Variants in ZNF385D observed in about 807,000 individuals in gnomAD.
The protein encoded by ZNF385D is zinc finger protein 385D.
A neutral mutation model predicts 35.8 loss-of-function variants in ZNF385D; 15 were observed. That is an observed-to-expected ratio of 0.42 (90% CI 0.28 to 0.64). ZNF385D has a LOEUF of 0.64. ZNF385D is among the 30% of genes least tolerant of loss of function. The pLI, the probability that ZNF385D is intolerant of heterozygous loss-of-function variation, is 0.23. For synonymous variants in ZNF385D, 212 were observed against 186.8 expected (o/e 1.13, Z -1.10); for missense variants, 474 against 494.6 (o/e 0.96, Z 0.39).
At chr3:22,282,233 C>A (rs1701786079) in intron 2 of ZNF385D, among the ~76,000 whole-genome samples, 1 of 151,814 alleles carries the variant, frequency 6.6e-6, no homozygotes, top group Admixed American at 6.6e-5. Context: ...GTTTTAATTT[C>A]ATTTAGTTCT....
At chr3:22,104,273 C>A (rs1702092798) in intron 3 of ZNF385D, among the ~76,000 whole-genome samples, 1 of 152,054 alleles carries the variant, frequency 6.6e-6, no homozygotes, top group Non-Finnish European at 1.5e-5. Flanking sequence ...TCACTCTCTC[C>A]TTTCACATTC....
At chr3:21,970,293 G>A (rs1703166143) in intron 3 of ZNF385D, among the ~76,000 whole-genome samples, 1 of 151,916 alleles carries the variant, frequency 6.6e-6, no homozygotes, top group African/African-American at 2.4e-5. Flanking sequence ...GCTGTTTTGA[G>A]GAAACTCAAA....
intron 3 of ZNF385D, among the ~76,000 whole-genome samples, chr3:22,083,392 C>A (rs1304450869): frequency 2.6e-5 from 4 of 152,144 alleles, no homozygotes; most frequent in South Asian, 4.1e-4. Context: ...CCTTAAATGA[C>A]CTGATGGAGC....
chr3:21,963,016 T>C (rs1480000207), intron 3 of ZNF385D, among the ~76,000 whole-genome samples: 1 of 152,236 alleles, frequency 6.6e-6, no homozygotes, highest in Non-Finnish European at 1.5e-5. Context: ...GGCAAATATT[T>C]GTTAAACAGT....
intron 3 of ZNF385D, among the ~76,000 whole-genome samples, chr3:21,514,031 C>T (rs2125478104): frequency 6.6e-6 from 1 of 152,074 alleles, no homozygotes; most frequent in Admixed American, 6.6e-5. Flanking sequence ...AAAGCTGCAG[C>T]CTAAGAAAGA....
At chr3:22,130,812 C>A (rs80096459) in intron 3 of ZNF385D, among the ~76,000 whole-genome samples, 6 of 152,064 alleles carry the variant, frequency 3.9e-5, no homozygotes, top group Admixed American at 6.6e-5. Context: ...TATGAAGGTA[C>A]CTTCTTCTGT....
chr3:21,867,622 G>A (rs1200964734), intron 3 of ZNF385D, among the ~76,000 whole-genome samples: 1 of 151,972 alleles, frequency 6.6e-6, no homozygotes, highest in Non-Finnish European at 1.5e-5. Flanking sequence ...GTTTATAAAT[G>A]TTGCCCTGGG....
intron 2 of ZNF385D, among the ~76,000 whole-genome samples, chr3:22,254,777 T>C (rs1345964789): frequency 6.6e-6 from 1 of 151,838 alleles, no homozygotes; most frequent in African/African-American, 2.4e-5. Flanking sequence ...CTTATTTTAC[T>C]TAGTAAGGGT....
chr3:22,251,581 T>G (rs1448312438), intron 2 of ZNF385D, among the ~76,000 whole-genome samples: 2 of 152,118 alleles, frequency 1.3e-5, no homozygotes, highest in Non-Finnish European at 2.9e-5. Context: ...GTCTTGGGCT[T>G]TCTCCTGAGC....
At chr3:21,644,780 A>G (rs956364649) in intron 2 of ZNF385D, among the ~76,000 whole-genome samples, 1 of 152,210 alleles carries the variant, frequency 6.6e-6, no homozygotes, top group African/African-American at 2.4e-5. Flanking sequence ...ATTAAAATTT[A>G]TACTACATCA....
At chr3:22,145,668 G>A (rs546806644) in intron 3 of ZNF385D, among the ~76,000 whole-genome samples, 22 of 152,318 alleles carry the variant, frequency 1.4e-4, no homozygotes, top group African/African-American at 5.3e-4. Flanking sequence ...CTGGGATGGG[G>A]ATGAGGAGTT....
At position 22,029,876 on chromosome 3, in the gene ZNF385D, G is replaced by T. The variant is rs148731663; in HGVS notation, c.325+138941C>A. Among the ~76,000 whole-genome samples, 562 of 151,896 alleles carry T rather than the reference G, an allele frequency of 3.7e-3. 3 individuals are homozygous for T. The highest frequency in any genetic ancestry group is 0.013 in the African/African-American group (544 of 41,474). On this transcript the variant is annotated intron_variant, in intron 3 of 5. Coordinates refer to the ZNF385D transcript ENST00000494108. ...GTTGACAAGGGGTGGACTTGTGATG[G>T]TTAATACTGAGTATCAACTTGATTG...
intron 3 of ZNF385D, among the ~76,000 whole-genome samples, chr3:21,770,491 C>T (rs2071030299): frequency 6.6e-6 from 1 of 152,136 alleles, no homozygotes; most frequent in Admixed American, 6.6e-5. Context: ...TGAAAAAATG[C>T]TCACCATCAC....
intron 3 of ZNF385D, among the ~76,000 whole-genome samples, chr3:21,855,267 TA>T (rs1207914190): frequency 2.0e-5 from 3 of 151,970 alleles, no homozygotes; most frequent in East Asian, 1.9e-4. Context: ...TTTTAGCTGA[TA>T]AAAAAAATTT....
intron 4 of ZNF385D, among the ~76,000 whole-genome samples, chr3:21,503,275 A>G (rs1706523220): frequency 6.6e-6 from 1 of 152,220 alleles, no homozygotes; most frequent in South Asian, 2.1e-4. Flanking sequence ...TTCATGTACA[A>G]TATATCCTAT....
rs78576301 is a variant in ZNF385D at position 21,646,936 on chromosome 3, T to C, written c.165+17950A>G. 2.8e-3 allele frequency among the ~76,000 whole-genome samples: 429 copies of C among 152,304 alleles called. 2 individuals carry two copies. Among genetic ancestry groups the C allele is most frequent in the African/African-American group, 9.6e-3 (400 of 41,574 alleles). The stretch of plus-strand genomic sequence containing the variant: ...ATTGAGGACCAGTCCAAAGTTATTC[T>C]CTACTCCATCATTTATTCTAAGCTG... On this transcript the variant is annotated intron_variant, in intron 2 of 7. Transcript: ENST00000281523. The surrounding 1 kb of genome is among the most constrained non-coding windows in gnomAD (Gnocchi z 4.3).
intron 3 of ZNF385D, among the ~76,000 whole-genome samples, chr3:21,908,053 T>C (rs1299424035): frequency 6.6e-6 from 1 of 152,088 alleles, no homozygotes; most frequent in African/African-American, 2.4e-5. Flanking sequence ...GTTTAAAACA[T>C]TACTGATAGT....
chr3:22,353,287 G>C (rs1337028983), intron 2 of ZNF385D, among the ~76,000 whole-genome samples: 1 of 152,160 alleles, frequency 6.6e-6, no homozygotes, highest in African/African-American at 2.4e-5. Context: ...AGAAGCACAG[G>C]CTGTGCCCTT....
chr3:21,529,438 T>C (rs899139088), intron 3 of ZNF385D, among the ~76,000 whole-genome samples: 3 of 152,164 alleles, frequency 2.0e-5, no homozygotes, highest in African/African-American at 7.2e-5. Context: ...TACAGCTTTT[T>C]CATCCTTCTT....
Sources: allele counts gnomAD v4.1 joint callset (sites outside exome capture counted in the v4.1 genomes callset), GRCh38; gene constraint gnomAD v4.1.1; non-coding constraint Gnocchi (gnomAD v3.1); transcripts MANE v1.5; gene names NCBI Gene and HGNC (gene_info 2026-07-23, HGNC 2026-07-21).